The following SCLT1 variants were observed in gnomAD, a reference collection of about 807,000 sequenced individuals.
SCLT1 encodes sodium channel-associated protein 1.
In SCLT1, 78 loss-of-function variants were observed where a neutral mutation model predicts 112.8. The ratio of observed to expected loss-of-function variants is 0.69; its 90% CI spans 0.58 to 0.83. The LOEUF (loss-of-function observed/expected upper bound fraction) is 0.83, where lower values mean the gene tolerates loss of function less well. SCLT1 is among the 40% of genes least tolerant of loss of function. The pLI, the probability that SCLT1 is intolerant of heterozygous loss-of-function variation, is 0.00. For synonymous variants in SCLT1, 257 were observed against 254.7 expected, an observed-to-expected ratio of 1.01 and a Z score of -0.09; for missense variants, 747 against 770.4, an observed-to-expected ratio of 0.97 and a Z score of 0.36.
Position 128,988,116 on chromosome 4 carries a change from C to G in SCLT1, c.686+4051G>C, listed in dbSNP as rs568528948. ...AGGATGTTTATTAGTAACAAGAAAT[C>G]ATCTGAAGATATAAAACTCACTGGC... On this transcript the variant is annotated intron_variant, in intron 9 of 20. Transcript: ENST00000281142. 1.2e-4 allele frequency among the ~76,000 whole-genome samples: 18 copies of G among 152,148 alleles called. No individual in the cohort carries two copies. The East Asian group carries it at 3.3e-3, about 28-fold the overall frequency.
intron 18 of SCLT1, among the ~76,000 whole-genome samples, chr4:128,916,313 C>G (rs530423481): frequency 6.6e-6 from 1 of 152,220 alleles, no homozygotes; most frequent in African/African-American, 2.4e-5. Flanking sequence ...TAATATATAT[C>G]ATTTTAATAG....
At chr4:128,919,431 CAGA>C (rs751276882) in intron 18 of SCLT1, among the ~76,000 whole-genome samples, 1 of 151,970 alleles carries the variant, frequency 6.6e-6, no homozygotes, top group South Asian at 2.1e-4. Context: ...CAGTGTTAAG[CAGA>C]AGTTTATAGT....
intron 9 of SCLT1, among the ~76,000 whole-genome samples, chr4:128,990,943 A>G (rs1275772219): frequency 1.3e-5 from 2 of 151,964 alleles, no homozygotes; most frequent in African/African-American, 4.8e-5. Context: ...ACACAAAACA[A>G]TGGAAAGATA....
At chr4:128,994,277 T>C (rs1374049011) in intron 8 of SCLT1, among the ~76,000 whole-genome samples, 1 of 152,152 alleles carries the variant, frequency 6.6e-6, no homozygotes, top group Non-Finnish European at 1.5e-5. Context: ...CATACAGTGT[T>C]TAGTCTTTCT....
chr4:128,921,537 A>G (rs372611080), intron 18 of SCLT1, among the ~76,000 whole-genome samples: 1 of 152,200 alleles, frequency 6.6e-6, no homozygotes, highest in Non-Finnish European at 1.5e-5. Flanking sequence ...CAAAGTAGAC[A>G]AAAACAAGTA....
intron 10 of SCLT1, among the ~76,000 whole-genome samples, chr4:128,966,395 T>C (rs1740193366): frequency 6.6e-6 from 1 of 152,176 alleles, no homozygotes. Flanking sequence ...ATTTAGATAA[T>C]AGTTCAGAGA....
downstream of SCLT1, among the ~76,000 whole-genome samples, chr4:128,881,399 T>C (rs547345639): frequency 2.0e-4 from 31 of 152,364 alleles, no homozygotes; most frequent in Admixed American, 2.0e-3. Flanking sequence ...TTGGCAAGAC[T>C]GTGTAACTAT....
intron 2 of SCLT1, among the ~76,000 whole-genome samples, chr4:129,060,435 G>A (rs909486994): frequency 1.3e-5 from 2 of 152,106 alleles, no homozygotes; most frequent in African/African-American, 4.8e-5. Flanking sequence ...CCATACACCT[G>A]TTGGAACAAT....
chr4:129,045,468 G>T (rs149381564), intron 2 of SCLT1, among the ~76,000 whole-genome samples: 15 of 152,138 alleles, frequency 9.9e-5, no homozygotes, highest in African/African-American at 3.1e-4. Context: ...GATGTAAGAG[G>T]TTTTTCAGTG....
chr4:129,023,943 A>G (rs1298110640), intron 5 of SCLT1, among the ~76,000 whole-genome samples: 2 of 152,214 alleles, frequency 1.3e-5, no homozygotes, highest in Non-Finnish European at 2.9e-5. Flanking sequence ...TTGCTAGCAC[A>G]GCAGTATTGA....
intron 11 of SCLT1, among the ~76,000 whole-genome samples, chr4:128,963,166 G>A (rs1021373237): frequency 1.3e-5 from 2 of 152,100 alleles, no homozygotes; most frequent in African/African-American, 4.8e-5. Flanking sequence ...AAGCATATGA[G>A]TAATGAAGGT....
intron 5 of SCLT1, among the ~76,000 whole-genome samples, chr4:129,011,307 G>C (rs1744499192): frequency 6.6e-6 from 1 of 152,106 alleles, no homozygotes; most frequent in African/African-American, 2.4e-5. Flanking sequence ...CTGTGCTGCT[G>C]GATTTCATTT....
chr4:128,998,541 C>T (rs1743198740), intron 7 of SCLT1, among the ~76,000 whole-genome samples: 1 of 151,758 alleles, frequency 6.6e-6, no homozygotes, highest in Non-Finnish European at 1.5e-5. Context: ...TGTATAAGGA[C>T]CCATCAAACT....
chr4:129,045,024 T>C (rs2125701501), intron 2 of SCLT1, among the ~76,000 whole-genome samples: 1 of 152,080 alleles, frequency 6.6e-6, no homozygotes, highest in Middle Eastern at 3.4e-3. Context: ...TATAATTGAA[T>C]GGACACAATA....
rs1360346333 is a variant in SCLT1, at chr4:128,969,665, TCTGAAGCCACAG to T, written c.777+701_777+712del. Among the ~76,000 whole-genome samples the T allele has an allele frequency of 2.6e-5, 4 of 152,322 alleles. No homozygotes were observed. The East Asian group carries it at 7.7e-4, about 29-fold the overall frequency. On this transcript the variant is annotated intron_variant, in intron 10 of 20. Coordinates refer to ENST00000281142, the MANE Select transcript of SCLT1 (RefSeq NM_144643.4). ...ACCTTAAGCCCATACAAAGGTGTTT[TCTGAAGCCACAG>T]CTGTGGGGGTTGGGAGAACCATCAG...
intron 6 of SCLT1, among the ~76,000 whole-genome samples, chr4:129,001,774 C>T (rs1317944552): frequency 6.6e-6 from 1 of 151,880 alleles, no homozygotes; most frequent in Non-Finnish European, 1.5e-5. Context: ...CTACACAGCA[C>T]CTTTTGTACA....
intron 17 of SCLT1, among the ~76,000 whole-genome samples, chr4:128,938,068 A>G (rs1030659931): frequency 3.9e-5 from 6 of 152,200 alleles, no homozygotes; most frequent in African/African-American, 1.2e-4. Context: ...CAGGCCATCT[A>G]TATTTTGCTA....
At chr4:128,975,823 G>GT (rs1387906860) in intron 9 of SCLT1, among the ~76,000 whole-genome samples, 4 of 152,126 alleles carry the variant, frequency 2.6e-5, no homozygotes, top group Non-Finnish European at 5.9e-5. Context: ...AGGAAACTGA[G>GT]TAAGTACCAA....
At chr4:129,042,038 C>T (rs1747743334) in intron 4 of SCLT1, among the ~76,000 whole-genome samples, 1 of 152,062 alleles carries the variant, frequency 6.6e-6, no homozygotes, top group Admixed American at 6.5e-5. Flanking sequence ...TGAGCTACCA[C>T]ACCTGGCCAG....
Sources: gnomAD v4.1 joint callset for allele counts (sites outside exome capture counted in the v4.1 genomes callset) on GRCh38, gnomAD v4.1.1 for gene constraint, MANE v1.5 for transcripts, NCBI Gene and HGNC (gene_info 2026-07-23, HGNC 2026-07-21) for gene names.